Variants in AMPH observed in about 807,000 individuals in gnomAD.
AMPH encodes the protein amphiphysin.
AMPH carries 49 observed loss-of-function variants against 99.1 expected under a neutral mutation model. That is an observed-to-expected ratio of 0.49 (90% CI 0.39 to 0.63). The LOEUF (loss-of-function observed/expected upper bound fraction) is 0.63. AMPH is among the 20% of genes least tolerant of loss of function. AMPH has a pLI of 0.00. For missense variants in AMPH, 759 were observed against 863.4 expected, an observed-to-expected ratio of 0.88 and a Z score of 1.52; for synonymous variants, 314 against 317.3, an observed-to-expected ratio of 0.99 and a Z score of 0.11.
intron 2 of AMPH, among the ~76,000 whole-genome samples, chr7:38,517,055 G>A (rs1263569530): frequency 2.0e-5 from 3 of 152,220 alleles, no homozygotes; most frequent in Non-Finnish European, 1.5e-5. Flanking sequence ...AGGCTCATAG[G>A]TGGAAGGGTC....
At chr7:38,598,811 A>G (rs1403455046) in intron 1 of AMPH, among the ~76,000 whole-genome samples, 1 of 151,086 alleles carries the variant, frequency 6.6e-6, no homozygotes, top group African/African-American at 2.4e-5. Context: ...GTATTATTTT[A>G]TTGTCTCATT....
intron 1 of AMPH, among the ~76,000 whole-genome samples, chr7:38,622,949 T>C (rs2129071204): frequency 6.6e-6 from 1 of 152,282 alleles, no homozygotes; most frequent in Non-Finnish European, 1.5e-5. Context: ...GTGCTCTTGT[T>C]CCCTGCAGTG....
At chr7:38,442,900 AAG>A (rs34432348) in intron 11 of AMPH, among the ~76,000 whole-genome samples, 16,899 of 152,034 alleles carry the variant, frequency 0.11, 1,339 homozygotes, top group East Asian at 0.28. Context: ...GAACAAGAAA[AAG>A]AGAGAATCAA....
rs1440961441 is a variant in AMPH, at chr7:38,538,495, CAG to C, written c.70-3486_70-3485del. On this transcript the variant is annotated intron_variant, in intron 1 of 20. Coordinates refer to ENST00000356264, the MANE Select transcript of AMPH (RefSeq NM_001635.4). ...AGGACAGATTTCAGAAAGGCTTAGG[CAG>C]TAAGAATCAGAACTTTGATTTTCTT... is the stretch of plus-strand genomic sequence containing the variant. Among the ~76,000 whole-genome samples the C allele has an allele frequency of 1.3e-5, 2 of 152,052 alleles. 1 individual carries two copies. The highest frequency in any genetic ancestry group is 2.9e-5 in the Non-Finnish European group (2 of 68,014).
chr7:38,597,643 T>C (rs1793107181), intron 1 of AMPH, among the ~76,000 whole-genome samples: 1 of 152,150 alleles, frequency 6.6e-6, no homozygotes, highest in Non-Finnish European at 1.5e-5. Flanking sequence ...AGGCAAAAAT[T>C]ACTCCTACCA....
At position 38,557,221 on chromosome 7, in the gene AMPH, G is replaced by T. The variant is rs542214181; in HGVS notation, c.70-22210C>A. 2.1e-3 allele frequency among the ~76,000 whole-genome samples: 324 copies of T among 152,268 alleles called. 1 individual carries two copies. The highest frequency in any genetic ancestry group is 7.1e-3 in the African/African-American group (294 of 41,552). On this transcript the variant is annotated intron_variant, in intron 1 of 20. Transcript: ENST00000356264. ...CATCCCACAACTACTTAAACTACAC[G>T]TGATTACATGAAAGTGACACAGCTA...
intron 1 of AMPH, among the ~76,000 whole-genome samples, chr7:38,540,866 T>C (rs1468533704): frequency 2.0e-5 from 3 of 151,474 alleles, no homozygotes; most frequent in Admixed American, 6.6e-5. Context: ...GTGGCATTCA[T>C]CCATTTGATG....
chr7:38,440,897 T>C (rs537261710), intron 11 of AMPH, among the ~76,000 whole-genome samples: 4 of 152,080 alleles, frequency 2.6e-5, no homozygotes, highest in Non-Finnish European at 4.4e-5. Context: ...GTGATCAATG[T>C]GCTAGATTTA....
At chr7:38,407,216 T>G (rs1440937183) in intron 17 of AMPH, among the ~76,000 whole-genome samples, 3 of 148,286 alleles carry the variant, frequency 2.0e-5, no homozygotes, top group Non-Finnish European at 1.5e-5. Flanking sequence ...TCTATATCTA[T>G]CTATAGATAG....
intron 11 of AMPH, among the ~76,000 whole-genome samples, chr7:38,450,146 G>A (rs1016483281): frequency 2.6e-5 from 4 of 152,224 alleles, no homozygotes; most frequent in Admixed American, 1.3e-4. Flanking sequence ...TTCCTATGGC[G>A]TGATAAGCAG....
At chr7:38,468,633 A>G (rs1787758043) in intron 7 of AMPH, among the ~76,000 whole-genome samples, 2 of 152,224 alleles carry the variant, frequency 1.3e-5, no homozygotes, top group African/African-American at 2.4e-5. Context: ...TACAACTGAT[A>G]GTGATTTTCT....
chr7:38,603,211 G>A (rs1793312861), intron 1 of AMPH, among the ~76,000 whole-genome samples: 1 of 151,620 alleles, frequency 6.6e-6, no homozygotes, highest in South Asian at 2.1e-4. Context: ...TACTACTCAG[G>A]AGGCTGAGAC....
intron 5 of AMPH, among the ~76,000 whole-genome samples, chr7:38,486,478 T>C (rs1455613175): frequency 2.6e-5 from 4 of 151,992 alleles, no homozygotes; most frequent in African/African-American, 4.8e-5. Context: ...CAAGACCAGA[T>C]AGCTTCATTG....
intron 1 of AMPH, among the ~76,000 whole-genome samples, chr7:38,535,886 G>A (rs1461752512): frequency 6.6e-6 from 1 of 152,042 alleles, no homozygotes; most frequent in Non-Finnish European, 1.5e-5. Context: ...GTTCCTCACC[G>A]GCCACAAACT....
intron 1 of AMPH, among the ~76,000 whole-genome samples, chr7:38,544,252 G>A (rs1790915482): frequency 6.6e-6 from 1 of 152,166 alleles, no homozygotes; most frequent in Admixed American, 6.5e-5. Context: ...TACCCTAGGA[G>A]AGGAAGCAAG....
chr7:38,441,801 T>TATATCTATC (rs1308889635), intron 11 of AMPH, among the ~76,000 whole-genome samples: 4,487 of 48,456 alleles, frequency 0.093, 637 homozygotes, highest in East Asian at 0.51. Context: ...ATATATATCA[T>TATATCTATC]ATATATATCA....
intron 1 of AMPH, among the ~76,000 whole-genome samples, chr7:38,570,061 G>A (rs1791885639): frequency 6.6e-6 from 1 of 152,114 alleles, no homozygotes. Context: ...TTATAACACT[G>A]CAACCTGCCC....
At chr7:38,463,135 G>T in intron 9 of AMPH, 22 bp from the exon 10 acceptor site, 1 of 1,613,892 alleles carries the variant, frequency 6.2e-7, no homozygotes, top group South Asian at 1.1e-5. Flanking sequence ...CAGGGGATTG[G>T]GCAAGGGGCC....
At chr7:38,481,243 C>A (rs566096096) in intron 5 of AMPH, among the ~76,000 whole-genome samples, 1 of 152,090 alleles carries the variant, frequency 6.6e-6, no homozygotes, top group East Asian at 1.9e-4. Flanking sequence ...GGTTGACACA[C>A]ATTAGCTTTT....
Sources: gnomAD v4.1 joint callset for allele counts (sites outside exome capture counted in the v4.1 genomes callset) on GRCh38, gnomAD v4.1.1 for gene constraint, MANE v1.5 for transcripts, NCBI Gene and HGNC (gene_info 2026-07-23, HGNC 2026-07-21) for gene names.